Variants in DGKG observed in about 807,000 individuals in gnomAD.
DGKG encodes the protein DAG kinase gamma.
A neutral mutation model predicts 105.3 loss-of-function variants in DGKG; 78 were observed. The observed-to-expected ratio is 0.74, with a 90% CI of 0.62 to 0.89. DGKG has a LOEUF of 0.89. Ranked by LOEUF, DGKG falls within the 40% of genes least tolerant of loss-of-function variation. DGKG has a pLI of 0.00. For missense variants in DGKG, 958 were observed against 1,020.1 expected, an observed-to-expected ratio of 0.94 and a Z score of 0.83; for synonymous variants, 346 against 367.1, an observed-to-expected ratio of 0.94 and a Z score of 0.66.
chr3:186,322,951 G>C (rs148655214), intron 1 of DGKG, among the ~76,000 whole-genome samples: 93 of 152,264 alleles, frequency 6.1e-4, no homozygotes, highest in Admixed American at 1.0e-3. Context: ...TCCGGAGTTT[G>C]ACTGTCCACT....
chr3:186,340,469 A>G (rs1726037947), intron 1 of DGKG, among the ~76,000 whole-genome samples: 1 of 152,184 alleles, frequency 6.6e-6, no homozygotes, highest in Middle Eastern at 3.2e-3. Context: ...AGGCAAAAAT[A>G]GCCAACAGAA....
chr3:186,178,125 G>T (rs1717177816), intron 22 of DGKG, among the ~76,000 whole-genome samples: 1 of 152,172 alleles, frequency 6.6e-6, no homozygotes, highest in African/African-American at 2.4e-5. Context: ...AGTGCTTGTG[G>T]CTTGATCTTG....
intron 7 of DGKG, chr3:186,281,034 A>G (rs888492123): frequency 1.5e-5 from 4 of 274,868 alleles, no homozygotes; most frequent in Admixed American, 4.5e-5. Context: ...CTTGGAAAGC[A>G]TAGAAAGCAC....
At position 186,353,620 on chromosome 3, in the gene DGKG, C is replaced by CTA. The variant is rs1253205458; in HGVS notation, c.-249+8325_-249+8326insTA. ...ACACACACATACACATATATATAGA[C>CTA]TCTCTATCTATATCTATATCTATAT... On this transcript the variant is annotated intron_variant, in intron 1 of 24. Coordinates refer to ENST00000265022, the MANE Select transcript of DGKG (RefSeq NM_001346.3). Among the ~76,000 whole-genome samples the CTA allele has an allele frequency of 2.0e-3, 281 of 138,368 alleles. 1 individual carries two copies. Among genetic ancestry groups the CTA allele is most frequent in the African/African-American group, 6.7e-3 (251 of 37,528 alleles). The allele number at this position is 138,368 out of a possible 152,430, so 90.8% of individuals were successfully genotyped here. A position where few individuals can be genotyped will look rare whatever the true frequency, so the allele number is the denominator to read the frequency against.
intron 21 of DGKG, among the ~76,000 whole-genome samples, chr3:186,190,702 A>T (rs1260314480): frequency 2.0e-5 from 3 of 152,162 alleles, no homozygotes; most frequent in Non-Finnish European, 2.9e-5. Flanking sequence ...CTTTACATTT[A>T]TGTTAATTAA....
rs534509758 is a variant in DGKG, at chr3:186,251,824, C to G, written c.1696G>C (p.Glu566Gln). The change falls in exon 19 of 25, where the codon GAG becomes CAG. Residue 566 changes from glutamate (E) to glutamine (Q), a missense_variant. Physicochemically the swap from Glu to Gln is conservative, Grantham distance 29. This residue lies in a region of DGKG where 315 missense variants were observed against 400.6 expected (regional missense o/e 0.79). Transcript: ENST00000265022. ...ACCTGGTCCCCGTTTTCCACTTCCTCTCTGGGGATGACTTCCAGATGCCAG... is the reference window on the plus strand; with the variant it reads ...ACCTGGTCCCCGTTTTCCACTTCCTGTCTGGGGATGACTTCCAGATGCCAG... ...DRWHLEVIPR[E>Q]EVENGDQVPY... is the part of the protein sequence containing the mutation. 1 of 1,613,980 alleles carries G rather than the reference C, an allele frequency of 6.2e-7. No individual in the cohort carries two copies. Among genetic ancestry groups the G allele is most frequent in the African/African-American group, 1.3e-5 (1 of 75,068 alleles).
At chr3:186,257,364 T>G (rs886289846) in intron 17 of DGKG, among the ~76,000 whole-genome samples, 5 of 152,364 alleles carry the variant, frequency 3.3e-5, no homozygotes, top group African/African-American at 1.2e-4. Context: ...TTTATCTAGA[T>G]GTACTCTACT....
intron 2 of DGKG, among the ~76,000 whole-genome samples, chr3:186,310,645 T>C (rs1418115212): frequency 1.3e-5 from 2 of 152,194 alleles, no homozygotes; most frequent in Non-Finnish European, 2.9e-5. Flanking sequence ...CTTGGTCTTA[T>C]TTTAGGTGTC....
At chr3:186,193,694 G>C (rs1412584387) in intron 21 of DGKG, among the ~76,000 whole-genome samples, 2 of 152,204 alleles carry the variant, frequency 1.3e-5, no homozygotes, top group Non-Finnish European at 2.9e-5. Flanking sequence ...GGACGCTGTC[G>C]GCCTAAATGG....
intron 24 of DGKG, chr3:186,158,232 G>A (rs919535070): frequency 1.4e-6 from 1 of 697,594 alleles, no homozygotes. Context: ...TTTTATTATT[G>A]CTCTTCTAAT....
At chr3:186,250,554 A>ATTTTTTTTTTTTTTTT (rs1165295513) in intron 19 of DGKG, among the ~76,000 whole-genome samples, 30 of 27,588 alleles carry the variant, frequency 1.1e-3, no homozygotes, top group South Asian at 3.0e-3. Context: ...TAATTCTGTC[A>ATTTTTTTTTTTTTTTT]TTCTTTTTTT....
chr3:186,268,542 CCA>C (rs1722164761), intron 12 of DGKG, among the ~76,000 whole-genome samples: 1 of 152,334 alleles, frequency 6.6e-6, no homozygotes, highest in Non-Finnish European at 1.5e-5. Flanking sequence ...AGCTGCCAGG[CCA>C]CACAGACAGT....
intron 1 of DGKG, among the ~76,000 whole-genome samples, chr3:186,356,893 T>C (rs1726991426): frequency 6.6e-6 from 1 of 152,150 alleles, no homozygotes; most frequent in Non-Finnish European, 1.5e-5. Context: ...TCCCCGCCCT[T>C]TTCCCCCTTC....
intron 22 of DGKG, among the ~76,000 whole-genome samples, chr3:186,184,188 T>C (rs1354017631): frequency 6.6e-6 from 1 of 152,078 alleles, no homozygotes; most frequent in Non-Finnish European, 1.5e-5. Context: ...ATCTTCCTAA[T>C]AAGCCATGTA....
intron 14 of DGKG, among the ~76,000 whole-genome samples, chr3:186,264,067 A>G (rs1721922013): frequency 6.6e-6 from 1 of 152,208 alleles, no homozygotes; most frequent in Non-Finnish European, 1.5e-5. Flanking sequence ...AGCCAGTCCT[A>G]CAGTGGGGGC....
At position 186,148,038 on chromosome 3, in the gene DGKG, C is replaced by T. The variant is rs1715582185; in HGVS notation, c.*2052G>A. The T allele has an allele frequency of 1.0e-6, 1 of 985,442 alleles. No individual in the cohort carries two copies. The highest frequency in any genetic ancestry group is 1.2e-6 in the Non-Finnish European group (1 of 829,954). 61.0% of individuals were successfully genotyped at this position (985,442 alleles called of 1,614,324 possible). A position where few individuals can be genotyped will look rare whatever the true frequency, so the allele number is the denominator to read the frequency against. The stretch of plus-strand genomic sequence containing the variant: ...ATTTGTACACACAATCTTAATATTC[C>T]CTTCTTTGTCCAAAGCTCCTGTCCA... On this transcript the variant is annotated 3_prime_UTR_variant, in exon 25 of 25. Coordinates refer to ENST00000265022, the MANE Select transcript of DGKG (RefSeq NM_001346.3).
intron 13 of DGKG, among the ~76,000 whole-genome samples, chr3:186,265,657 CTTTTTTTTTT>C (rs68014632): frequency 9.0e-5 from 7 of 77,388 alleles, no homozygotes; most frequent in South Asian, 5.7e-4. Context: ...TTCTTCCTTT[CTTTTTTTTTT>C]TTTTTTTTTT....
intron 14 of DGKG, 130 bp downstream of exon 14, chr3:186,265,117 G>A (rs910458746): frequency 6.2e-5 from 51 of 818,008 alleles, no homozygotes; most frequent in Middle Eastern, 2.8e-4. Flanking sequence ...ATGCCCTCCT[G>A]GGTGGTATAA....
At chr3:186,302,514 GTA>G (rs1172001065) in intron 3 of DGKG, among the ~76,000 whole-genome samples, 821 of 16,512 alleles carry the variant, frequency 0.05, 7 homozygotes, top group Middle Eastern at 0.12. Context: ...ATACATATGT[GTA>G]TATATATATA....
Sources: gnomAD v4.1 joint callset for allele counts (sites outside exome capture counted in the v4.1 genomes callset) on GRCh38, gnomAD v4.1.1 for gene constraint, gnomAD v4.1.1 regional missense constraint, MANE v1.5 for transcripts, NCBI Gene and HGNC (gene_info 2026-07-23, HGNC 2026-07-21) for gene names.